ABCD4: variants seen among roughly 807,000 people sequenced by gnomAD.
ABCD4 encodes the protein lysosomal cobalamin transporter ABCD4.
In ABCD4, 53 loss-of-function variants were observed where a neutral mutation model predicts 86.3. The observed-to-expected ratio is 0.61, with a 90% CI of 0.49 to 0.77. ABCD4 has a LOEUF of 0.77. Ranked by LOEUF, ABCD4 falls within the 30% of genes least tolerant of loss-of-function variation. ABCD4 has a pLI of 0.00. For missense variants in ABCD4, 757 were observed against 764.5 expected (o/e 0.99, Z 0.12); for synonymous variants, 328 against 313.6 (o/e 1.05, Z -0.49).
At chr14:74,289,391 T>C (rs1302410479) in intron 14 of ABCD4, 92 bp downstream of exon 14, 2 of 1,554,186 alleles carry the variant, frequency 1.3e-6, no homozygotes, top group African/African-American at 1.4e-5. Flanking sequence ...GGCTGGAGCC[T>C]CTCCCCAAGG....
At chr14:74,301,226 C>A (rs768241416) in intron 1 of ABCD4, among the ~76,000 whole-genome samples, 41 of 148,714 alleles carry the variant, frequency 2.8e-4, no homozygotes, top group Non-Finnish European at 5.5e-4. Flanking sequence ...GTGGTGCGAT[C>A]TCAGCTCAGG....
Position 74,289,469 on chromosome 14 carries a change from G to C in ABCD4, c.1456+14C>G, listed in dbSNP as rs370062630. On this transcript the variant is annotated intron_variant, in intron 14 of 18. Coordinates refer to ENST00000356924, the MANE Select transcript of ABCD4 (RefSeq NM_005050.4). Reference sequence around the variant, plus strand: ...ACAGAAGGAGAGGACATGACCTAAGGAGGACCAGCTCACCTGAGTCGGGGT... The same window carrying C: ...ACAGAAGGAGAGGACATGACCTAAGCAGGACCAGCTCACCTGAGTCGGGGT... 7 of 1,613,772 alleles carry C rather than the reference G, an allele frequency of 4.3e-6. No individual in the cohort carries two copies. The highest frequency in any genetic ancestry group is 5.1e-6 in the Non-Finnish European group (6 of 1,179,880).
At chr14:74,293,351 C>T (rs1214547195) in intron 7 of ABCD4, 103 bp from the exon 8 acceptor site, 10 of 1,033,052 alleles carry the variant, frequency 9.7e-6, no homozygotes, top group African/African-American at 9.5e-5. Context: ...CAAGGCCATT[C>T]AAATGATCTT....
chr14:74,290,936 G>C (rs2081332237), intron 11 of ABCD4, among the ~76,000 whole-genome samples: 1 of 152,062 alleles, frequency 6.6e-6, no homozygotes, highest in South Asian at 2.1e-4. Flanking sequence ...GCCTCCCAAA[G>C]TGGTGGGATT....
chr14:74,295,074 G>T, intron 7 of ABCD4, 74 bp downstream of exon 7: 1 of 1,561,824 alleles, frequency 6.4e-7, no homozygotes, highest in African/African-American at 1.4e-5. Flanking sequence ...GTGGTGGGAG[G>T]GTTGAGGATT....
intron 17 of ABCD4, among the ~76,000 whole-genome samples, 191 bp from the exon 18 acceptor site, chr14:74,287,007 T>C (rs879053420): frequency 6.6e-6 from 1 of 152,186 alleles, no homozygotes. Flanking sequence ...GGGAATAGCC[T>C]GTGAGCAGCT....
intron 3 of ABCD4, chr14:74,299,192 G>C (rs781278634): frequency 4.6e-6 from 1 of 218,192 alleles, no homozygotes; most frequent in Non-Finnish European, 9.2e-6. Flanking sequence ...GTGAGTCACA[G>C]CCTCGGTCCC....
chr14:74,292,907 C>G, intron 8 of ABCD4, 38 bp from the exon 9 acceptor site: 1 of 1,613,582 alleles, frequency 6.2e-7, no homozygotes, highest in Non-Finnish European at 8.5e-7. Flanking sequence ...CAGGAACCAT[C>G]CACATGCCCT....
intron 7 of ABCD4, chr14:74,294,448 G>A (rs918144013): frequency 1.3e-5 from 2 of 152,358 alleles, no homozygotes; most frequent in Admixed American, 6.5e-5. Context: ...TCAAGTGGTG[G>A]AGGTTGCAAA....
chr14:74,288,804 TC>T (rs1369690404), intron 14 of ABCD4, 39 bp from the exon 15 acceptor site: 1 of 1,605,900 alleles, frequency 6.2e-7, no homozygotes, highest in Admixed American at 1.7e-5. Context: ...AGCCAGAGCC[TC>T]CTGGCTGGTC....
chr14:74,299,522 G>C, intron 3 of ABCD4, 26 bp downstream of exon 3: 1 of 1,611,926 alleles, frequency 6.2e-7, no homozygotes, highest in Non-Finnish European at 8.5e-7. Context: ...GAGGACGAGA[G>C]ACACAGAGAG....
At position 74,287,895 on chromosome 14, in the gene ABCD4, A is replaced by C; in HGVS notation, c.1560-9T>G. ...GGGACAGAACATCATACCTGAGGAA[A>C]GGTAGGAGAGAGGACTGCTAGAGGA... On this transcript the variant is annotated splice_polypyrimidine_tract_variant and intron_variant, in intron 16 of 18. Coordinates refer to ENST00000356924, the MANE Select transcript of ABCD4 (RefSeq NM_005050.4). 1 of 1,610,518 alleles carries C rather than the reference A, an allele frequency of 6.2e-7. No individual in the cohort carries two copies. Among genetic ancestry groups the C allele is most frequent in the Non-Finnish European group, 8.5e-7 (1 of 1,177,730 alleles).
At chr14:74,288,033 A>G in intron 16 of ABCD4, 147 bp from the exon 17 acceptor site, 1 of 1,027,520 alleles carries the variant, frequency 9.7e-7, no homozygotes, top group Non-Finnish European at 1.5e-6. Flanking sequence ...ATAGGCCTAC[A>G]GCCCTCACAG....
At chr14:74,294,030 G>C (rs1212677500) in intron 7 of ABCD4, 1 of 151,896 alleles carries the variant, frequency 6.6e-6, no homozygotes, top group Admixed American at 6.6e-5. Context: ...ATGAGCAGAG[G>C]CTGCAGAATC....
At chr14:74,300,087 A>AAT in intron 2 of ABCD4, 63 bp downstream of exon 2, 1 of 711,206 alleles carries the variant, frequency 1.4e-6, no homozygotes, top group Non-Finnish European at 2.3e-6. Flanking sequence ...AAAAAAAAAA[A>AAT]GATGGAAAGG....
At chr14:74,295,712 G>A in intron 6 of ABCD4, 142 bp downstream of exon 6, 1 of 1,075,606 alleles carries the variant, frequency 9.3e-7, no homozygotes, top group East Asian at 2.5e-5. Context: ...GAACATTGAA[G>A]CTTGGAGAGG....
intron 10 of ABCD4, 36 bp downstream of exon 10, chr14:74,292,515 T>C (rs749397544): frequency 4.0e-5 from 65 of 1,608,762 alleles, no homozygotes; most frequent in Admixed American, 1.3e-4. Flanking sequence ...AGCACACACT[T>C]TGCTCAGGAG....
Position 74,293,295 on chromosome 14 carries a change from C to G in ABCD4, c.720-47G>C, listed in dbSNP as rs755958767. 8 of 1,589,868 alleles carry G rather than the reference C, an allele frequency of 5.0e-6. No individual in the cohort carries two copies. In the Admixed American group the frequency reaches 1.3e-4, roughly 27 times the overall value. ...GTCCACAGGGCTGGAGAGGTTCAGC[C>G]AGGTTGGGGGGCCGCCTGTCCCATA... On this transcript the variant is annotated intron_variant, in intron 7 of 18. Transcript: ENST00000356924.
At chr14:74,289,447 G>A (rs377533115) in intron 14 of ABCD4, 36 bp downstream of exon 14, 5 of 1,612,998 alleles carry the variant, frequency 3.1e-6, no homozygotes, top group Non-Finnish European at 4.2e-6. Flanking sequence ...AACCATGACA[G>A]AAGGAGAGGA....
Sources: allele counts gnomAD v4.1 joint callset (sites outside exome capture counted in the v4.1 genomes callset), GRCh38; gene constraint gnomAD v4.1.1; transcripts MANE v1.5; gene names NCBI Gene and HGNC (gene_info 2026-07-23, HGNC 2026-07-21).